Variants in GABBR2 observed in about 807,000 individuals in gnomAD.
GABBR2 encodes G-protein coupled receptor 51.
A neutral mutation model predicts 105.6 loss-of-function variants in GABBR2; 23 were observed. The ratio of observed to expected loss-of-function variants is 0.22; its 90% confidence interval spans 0.16 to 0.31. The LOEUF (loss-of-function observed/expected upper bound fraction) is 0.31. Among genes scored for constraint, GABBR2 ranks in the 10% least tolerant of loss-of-function variants. GABBR2 has a pLI of 1.00. For synonymous variants in GABBR2, 478 were observed against 499.7 expected (o/e 0.96, Z 0.58); for missense variants, 734 against 1,245.5 (o/e 0.59, Z 6.18).
At position 98,684,169 on chromosome 9, in the gene GABBR2, T is replaced by TAAA. The variant is rs3032196; in HGVS notation, c.321+24245_321+24247dup. Among the ~76,000 whole-genome samples, 208 of 66,120 alleles carry TAAA rather than the reference T, an allele frequency of 3.1e-3. 8 individuals carry two copies. Among genetic ancestry groups the TAAA allele is most frequent in the East Asian group, 0.029 (55 of 1,884 alleles). The allele number at this position is 66,120 out of a possible 152,430, so 43.4% of individuals were successfully genotyped here. Reference sequence around the variant, plus strand: ...AAAAGAAGAATGCATTTTACCACGGTAAAAAAAAAAAAAAAAAAAAAAAAA... The same window carrying TAAA: ...AAAAGAAGAATGCATTTTACCACGGTAAAAAAAAAAAAAAAAAAAAAAAAAAAA... On this transcript the variant is annotated intron_variant, in intron 1 of 18. Coordinates refer to ENST00000259455, the MANE Select transcript of GABBR2 (RefSeq NM_005458.8).
At chr9:98,447,590 CT>C (rs1427492658) in intron 7 of GABBR2, among the ~76,000 whole-genome samples, 4 of 148,884 alleles carry the variant, frequency 2.7e-5, no homozygotes, top group Non-Finnish European at 5.9e-5. Context: ...TATATTTTGA[CT>C]TAAAAAAACC....
At chr9:98,511,691 C>T (rs1233705139) in intron 3 of GABBR2, among the ~76,000 whole-genome samples, 1 of 152,128 alleles carries the variant, frequency 6.6e-6, no homozygotes, top group African/African-American at 2.4e-5. Flanking sequence ...CATACATCCT[C>T]CCAAGACTAA....
At chr9:98,684,179 A>T (rs1261344132) in intron 1 of GABBR2, among the ~76,000 whole-genome samples, 30 of 146,676 alleles carry the variant, frequency 2.0e-4, no homozygotes, top group Non-Finnish European at 3.8e-4. Context: ...TAAAAAAAAA[A>T]AAAAAAAAAA....
chr9:98,492,352 A>AAAAAAAAAAAAAAAAAAAAAAAAAAAAT (rs1827194290), intron 4 of GABBR2, among the ~76,000 whole-genome samples: 1 of 123,658 alleles, frequency 8.1e-6, no homozygotes, highest in Non-Finnish European at 1.6e-5. Context: ...TTCCTAGTAA[A>AAAAAAAAAAAAAAAAAAAAAAAAAAAAT]AAAAAAAAAA....
chr9:98,603,567 C>A (rs1308996318), intron 1 of GABBR2, among the ~76,000 whole-genome samples: 1 of 152,124 alleles, frequency 6.6e-6, no homozygotes, highest in Non-Finnish European at 1.5e-5. Context: ...TTTGTCCTCC[C>A]TCAAGGGCAA....
rs143208620 is a variant in GABBR2 at position 98,370,828 on chromosome 9, C to A, written c.1770+636G>T. Among the ~76,000 whole-genome samples the A allele has an allele frequency of 5.3e-5, 8 of 152,274 alleles. No homozygotes were observed. The East Asian group carries it at 9.7e-4, about 18-fold the overall frequency. ...GAGTCAAGGTCTGGCAACATCATAT[C>A]TATACCAAACCGCACGGGTGGCGAA... On this transcript the variant is annotated intron_variant, in intron 12 of 18. Coordinates refer to ENST00000259455, the MANE Select transcript of GABBR2 (RefSeq NM_005458.8).
chr9:98,477,463 C>G (rs1393684935), intron 5 of GABBR2, among the ~76,000 whole-genome samples: 1 of 152,202 alleles, frequency 6.6e-6, no homozygotes, highest in Non-Finnish European at 1.5e-5. Context: ...TGGTCTAACT[C>G]TTGGGCTTAG....
intron 1 of GABBR2, among the ~76,000 whole-genome samples, chr9:98,695,302 A>G (rs1346833791): frequency 3.9e-5 from 6 of 152,140 alleles, no homozygotes; most frequent in African/African-American, 7.2e-5. Flanking sequence ...GCCTGTCCTC[A>G]TGGACTGGCC....
chr9:98,467,464 T>TG (rs144616045), intron 6 of GABBR2, among the ~76,000 whole-genome samples: 3,102 of 152,100 alleles, frequency 0.02, 104 homozygotes, highest in African/African-American at 0.07. Flanking sequence ...GGGAGCTTTG[T>TG]GGGGGGTAGG....
chr9:98,393,833 A>G (rs955570728), intron 9 of GABBR2, among the ~76,000 whole-genome samples: 3 of 152,248 alleles, frequency 2.0e-5, no homozygotes, highest in African/African-American at 7.2e-5. Flanking sequence ...TAGGAAGAGC[A>G]GCAGATAGAC....
At chr9:98,691,590 A>C (rs907228954) in intron 1 of GABBR2, among the ~76,000 whole-genome samples, 5 of 152,174 alleles carry the variant, frequency 3.3e-5, no homozygotes, top group African/African-American at 1.2e-4. Context: ...TGATTAAGAA[A>C]TGTGCTTTCA....
At chr9:98,600,552 G>A (rs1160101556) in intron 1 of GABBR2, among the ~76,000 whole-genome samples, 1 of 152,240 alleles carries the variant, frequency 6.6e-6, no homozygotes, top group Admixed American at 6.5e-5. Flanking sequence ...TGCTTTCTCT[G>A]CATAAGCCTT....
rs34647195 is a variant in GABBR2, at chr9:98,438,172, TATCCATCCATCCATCCATCC to T, written c.1236+15789_1236+15808del. On this transcript the variant is annotated intron_variant, in intron 7 of 18. Transcript: ENST00000259455. ...ATCCCTCCATCTATATCCATCTACC[TATCCATCCATCCATCCATCC>T]ATCCATCCATCCATCCATCCATCCA... is the stretch of plus-strand genomic sequence containing the variant. 3.6e-3 allele frequency among the ~76,000 whole-genome samples: 512 copies of T among 143,824 alleles called. 7 individuals carry two copies. The East Asian group carries it at 0.037, about 10-fold the overall frequency. The allele number at this position is 143,824 out of a possible 152,430, so 94.4% of individuals were successfully genotyped here.
intron 1 of GABBR2, among the ~76,000 whole-genome samples, chr9:98,653,125 T>C (rs1220714146): frequency 1.3e-5 from 2 of 152,212 alleles, no homozygotes; most frequent in South Asian, 2.1e-4. Context: ...GCCTCCTGAG[T>C]AGCTAGGATT....
In GABBR2 at chr9:98,708,546, G is replaced by C; in HGVS notation, c.192C>G (p.Leu64=). ...TGCTGCCCTTGGCCACCTCCTTGGT[G>C]AGCGGCATGAGGCCCATGATGGAGA... ...PPLSIMGLMP[L]TKEVAKGSIG... The change falls in exon 1 of 19, where the codon CTC becomes CTG. Residue 64 remains leucine (L), a synonymous_variant. Transcript: ENST00000259455. 1 of 1,594,746 alleles carries C rather than the reference G, an allele frequency of 6.3e-7. No homozygotes were observed. The highest frequency in any genetic ancestry group is 8.5e-7 in the Non-Finnish European group (1 of 1,174,704).
Position 98,299,669 on chromosome 9 carries a change from A to C in GABBR2, c.2413-316T>G, listed in dbSNP as rs1369358. ...CATACGAGCTAAGGCTCTGGACAGG[A>C]CTTATGCAAACCCAAGGCTGCCCCT... On this transcript the variant is annotated intron_variant, in intron 16 of 18. Transcript: ENST00000259455. Among the ~76,000 whole-genome samples the C allele has an allele frequency of 0.54, 82,851 of 152,026 alleles. 24,759 individuals carry two copies. The highest frequency in any genetic ancestry group is 0.8 in the African/African-American group (33,318 of 41,496).
At chr9:98,503,578 G>A (rs1220430379) in intron 3 of GABBR2, among the ~76,000 whole-genome samples, 1 of 152,086 alleles carries the variant, frequency 6.6e-6, no homozygotes, top group African/African-American at 2.4e-5. Flanking sequence ...TATGGGAGGT[G>A]GCAAGAAGTG....
intron 13 of GABBR2, among the ~76,000 whole-genome samples, chr9:98,326,896 C>T (rs1830933618): frequency 6.6e-6 from 1 of 152,212 alleles, no homozygotes; most frequent in Non-Finnish European, 1.5e-5. Flanking sequence ...TATGGGGAAG[C>T]TGAGGCACAG....
intron 1 of GABBR2, among the ~76,000 whole-genome samples, chr9:98,659,932 T>C (rs1416865771): frequency 2.6e-5 from 4 of 152,334 alleles, no homozygotes; most frequent in East Asian, 3.9e-4. Context: ...CATTAAACTG[T>C]TACTTGCCAG....
Sources: gnomAD v4.1 joint callset for allele counts (sites outside exome capture counted in the v4.1 genomes callset) on GRCh38, gnomAD v4.1.1 for gene constraint, MANE v1.5 for transcripts, NCBI Gene and HGNC (gene_info 2026-07-23, HGNC 2026-07-21) for gene names.